Variants in UGGT2 observed in about 807,000 individuals in gnomAD.
UGGT2 encodes the protein UDP-glucose:glycoprotein glucosyltransferase 2.
In UGGT2, 180 loss-of-function variants were observed where a neutral mutation model predicts 192.1. The ratio of observed to expected loss-of-function variants is 0.94; its 90% confidence interval spans 0.83 to 1.06. UGGT2 has a LOEUF of 1.06. Ranked by LOEUF, UGGT2 falls within the 50% of genes least tolerant of loss-of-function variation. The probability of loss-of-function intolerance (pLI) is 0.00; values close to 1 mark genes in which losing one functional copy is unlikely to be tolerated. For missense variants in UGGT2, 1,849 were observed against 1,795.7 expected, an observed-to-expected ratio of 1.03 and a Z score of -0.54; for synonymous variants, 580 against 591.0, an observed-to-expected ratio of 0.98 and a Z score of 0.27.
At chr13:95,859,478 C>A (rs1169584250) in intron 33 of UGGT2, 113 bp downstream of exon 33, 2 of 851,558 alleles carry the variant, frequency 2.3e-6, no homozygotes, top group East Asian at 2.9e-5. Flanking sequence ...ATACTAAATA[C>A]CATTTTTTCA....
At chr13:95,925,239 G>A (rs911062664) in intron 20 of UGGT2, among the ~76,000 whole-genome samples, 4 of 152,132 alleles carry the variant, frequency 2.6e-5, no homozygotes, top group African/African-American at 7.2e-5. Flanking sequence ...GTTGACTTAA[G>A]GCTTAAAATA....
chr13:95,822,364 G>A (rs1431880591), intron 38 of UGGT2, among the ~76,000 whole-genome samples: 1 of 152,012 alleles, frequency 6.6e-6, no homozygotes, highest in Non-Finnish European at 1.5e-5. Flanking sequence ...GTGTATAGCA[G>A]TGCTACTGAT....
chr13:95,936,521 G>A (rs754172332), intron 17 of UGGT2, among the ~76,000 whole-genome samples: 1 of 152,222 alleles, frequency 6.6e-6, no homozygotes, highest in Non-Finnish European at 1.5e-5. Context: ...CCTGCCTACA[G>A]GTACCCCAAC....
intron 38 of UGGT2, among the ~76,000 whole-genome samples, chr13:95,818,211 G>A (rs1307783819): frequency 6.6e-6 from 1 of 152,164 alleles, no homozygotes; most frequent in Non-Finnish European, 1.5e-5. Context: ...TACTCAGGAG[G>A]CTGAGGCTGG....
rs10562634 is a variant in UGGT2 at position 96,012,742 on chromosome 13, ATGTGTG to A, written c.660+559_660+564del. ...TCTAATGGCCATTATATTCATACGC[ATGTGTG>A]TGTGTGTGTGTGTGTGCATGTATGT... On this transcript the variant is annotated intron_variant, in intron 5 of 38. Transcript: ENST00000376747. Among the ~76,000 whole-genome samples the A allele has an allele frequency of 5.3e-5, 8 of 150,568 alleles. No individual in the cohort carries two copies. In the South Asian group the frequency reaches 6.3e-4, roughly 12 times the overall value.
intron 38 of UGGT2, 137 bp downstream of exon 38, chr13:95,832,790 C>T: frequency 7.6e-7 from 1 of 1,311,800 alleles, no homozygotes. Flanking sequence ...CAAAAATACA[C>T]CTTTAAATTA....
rs2049987290 is a variant in UGGT2 at position 95,949,423 on chromosome 13, T to A, written c.1367A>T (p.Tyr456Phe). ...CTGGCAACTTGTAGGCCATGTAATA[T>A]ACAAATCATCATTTTCTAAGTCATT... ...WINDLENDDL[Y>F]ITWPTSCQKL... is the part of the protein sequence containing the mutation. The change falls in exon 13 of 39, where the codon TAT (tyrosine) becomes TTT (phenylalanine). Residue 456 changes from tyrosine (Y) to phenylalanine (F), a missense_variant. Tyr to Phe is a conservative substitution (Grantham distance 22). Coordinates refer to ENST00000376747, the MANE Select transcript of UGGT2 (RefSeq NM_020121.4). 6.4e-7 allele frequency: 1 copy of A among 1,557,636 alleles called. No homozygotes were observed. Among genetic ancestry groups the A allele is most frequent in the Non-Finnish European group, 8.7e-7 (1 of 1,147,590 alleles).
intron 20 of UGGT2, among the ~76,000 whole-genome samples, chr13:95,915,401 C>T (rs753248571): frequency 1.3e-5 from 2 of 152,120 alleles, no homozygotes; most frequent in Non-Finnish European, 1.5e-5. Flanking sequence ...TGTCTGTCTC[C>T]CTATGCACGC....
Position 96,023,736 on chromosome 13 carries a change from A to T in UGGT2, c.265T>A (p.Leu89Ile), listed in dbSNP as rs1164597023. The T allele has an allele frequency of 2.5e-6, 4 of 1,603,402 alleles. No individual in the cohort carries two copies. Among genetic ancestry groups the T allele is most frequent in the Non-Finnish European group, 2.6e-6 (3 of 1,173,384 alleles). Reference sequence around the variant, plus strand: ...AACTGTCCAGCTTTCTTCAGGATTAAGTTGTAATAAGAATAATCTGATTCT... The same window carrying T: ...AACTGTCCAGCTTTCTTCAGGATTATGTTGTAATAAGAATAATCTGATTCT... ...QTESDYSYYN[L>I]ILKKAGQFLD... The change falls in exon 3 of 39, where the codon TTA becomes ATA. Residue 89 changes from leucine (L) to isoleucine (I), a missense_variant. Coordinates refer to ENST00000376747, the MANE Select transcript of UGGT2 (RefSeq NM_020121.4).
chr13:95,834,993 T>C (rs1887137025), intron 37 of UGGT2, among the ~76,000 whole-genome samples: 2 of 152,182 alleles, frequency 1.3e-5, no homozygotes, highest in South Asian at 4.1e-4. Context: ...ATAGGTGAAA[T>C]AAATTTTAAT....
At chr13:95,910,835 G>C (rs903163252) in intron 20 of UGGT2, among the ~76,000 whole-genome samples, 1 of 152,086 alleles carries the variant, frequency 6.6e-6, no homozygotes, top group Non-Finnish European at 1.5e-5. Context: ...TACATAACTG[G>C]AAGTAAACCA....
At chr13:96,042,042 C>A (rs1446232653) in intron 1 of UGGT2, among the ~76,000 whole-genome samples, 1 of 152,142 alleles carries the variant, frequency 6.6e-6, no homozygotes, top group South Asian at 2.1e-4. Flanking sequence ...ATTGAAAAGG[C>A]CACCTCCCTG....
chr13:95,934,888 G>C (rs933263996), intron 17 of UGGT2, among the ~76,000 whole-genome samples: 6 of 152,166 alleles, frequency 3.9e-5, no homozygotes, highest in African/African-American at 1.4e-4. Context: ...TTATTGCGCA[G>C]CTGCCTTAAG....
Position 96,039,378 on chromosome 13 carries a change from A to G in UGGT2, c.159-7407T>C, listed in dbSNP as rs574306083. ...ACTATTGTATATTTCACCAAGAGCC[A>G]CATCATTACACGGATCCTCCCCAGA... On this transcript the variant is annotated intron_variant, in intron 1 of 38. Coordinates refer to ENST00000376747, the MANE Select transcript of UGGT2 (RefSeq NM_020121.4). Among the ~76,000 whole-genome samples the G allele has an allele frequency of 9.5e-4, 145 of 152,304 alleles. 1 individual carries two copies. The highest frequency in any genetic ancestry group is 3.4e-3 in the African/African-American group (140 of 41,562).
chr13:95,941,483 C>T (rs902303094), intron 15 of UGGT2, among the ~76,000 whole-genome samples: 14 of 151,946 alleles, frequency 9.2e-5, no homozygotes, highest in African/African-American at 3.4e-4. Flanking sequence ...ATAATGTGAT[C>T]ATAACTCAAA....
intron 2 of UGGT2, among the ~76,000 whole-genome samples, chr13:96,025,384 C>T (rs1292716788): frequency 2.6e-5 from 4 of 152,062 alleles, no homozygotes; most frequent in Non-Finnish European, 5.9e-5. Context: ...ATTTTGCTGC[C>T]TATTAATGAA....
At chr13:96,039,610 A>C (rs1417691463) in intron 1 of UGGT2, among the ~76,000 whole-genome samples, 1 of 152,190 alleles carries the variant, frequency 6.6e-6, no homozygotes, top group Non-Finnish European at 1.5e-5. Context: ...CAAAATCATC[A>C]AGTGTTGGTT....
chr13:95,958,227 C>A (rs1443185394), intron 12 of UGGT2, among the ~76,000 whole-genome samples: 2 of 152,000 alleles, frequency 1.3e-5, no homozygotes, highest in Non-Finnish European at 2.9e-5. Flanking sequence ...TCTTGGCTCA[C>A]TGCAAGCTCC....
chr13:95,906,259 T>C (rs1453187384), intron 20 of UGGT2, among the ~76,000 whole-genome samples: 1 of 152,214 alleles, frequency 6.6e-6, no homozygotes, highest in Non-Finnish European at 1.5e-5. Context: ...TTCTCGTTTG[T>C]TGCAGCTCTT....
Sources: allele counts gnomAD v4.1 joint callset (sites outside exome capture counted in the v4.1 genomes callset), GRCh38; gene constraint gnomAD v4.1.1; transcripts MANE v1.5; gene names NCBI Gene and HGNC (gene_info 2026-07-23, HGNC 2026-07-21).